The following SNAP23 variants were observed in gnomAD, a reference collection of about 807,000 sequenced individuals.
The protein encoded by SNAP23 is synaptosomal-associated protein 23.
SNAP23 carries 11 observed loss-of-function variants against 29.0 expected under a neutral mutation model. That is an observed-to-expected ratio of 0.38 (90% CI 0.24 to 0.63). The LOEUF (loss-of-function observed/expected upper bound fraction) is 0.63, where lower values mean the gene tolerates loss of function less well. Among genes scored for constraint, SNAP23 ranks in the 20% least tolerant of loss-of-function variants. The probability of loss-of-function intolerance (pLI) is 0.58; values close to 1 mark genes in which losing one functional copy is unlikely to be tolerated. For missense variants in SNAP23, 220 were observed against 253.9 expected (o/e 0.87, Z 0.91); for synonymous variants, 60 against 82.9 (o/e 0.72, Z 1.50).
intron 1 of SNAP23, among the ~76,000 whole-genome samples, chr15:42,509,612 G>C (rs572160652): frequency 6.6e-6 from 1 of 151,690 alleles, no homozygotes; most frequent in African/African-American, 2.4e-5. Flanking sequence ...GCTAATTTTT[G>C]TATTTTTAGT....
intron 5 of SNAP23, among the ~76,000 whole-genome samples, chr15:42,527,420 C>CTT: frequency 6.6e-6 from 1 of 152,130 alleles, no homozygotes; most frequent in East Asian, 2.0e-4. Flanking sequence ...AGGTCTCACT[C>CTT]TGTCACCCAG....
intron 5 of SNAP23, among the ~76,000 whole-genome samples, chr15:42,519,299 C>T (rs1413677414): frequency 6.6e-6 from 1 of 151,768 alleles, no homozygotes; most frequent in Non-Finnish European, 1.5e-5. Flanking sequence ...AGGTGATCCG[C>T]CTGCCTCGGC....
At chr15:42,525,474 TTTTTTTTG>T (rs1313069644) in intron 5 of SNAP23, among the ~76,000 whole-genome samples, 1 of 100,054 alleles carries the variant, frequency 1.0e-5, no homozygotes, top group African/African-American at 3.6e-5. Context: ...TTTTTTTTTT[TTTTTTTTG>T]AGACGGAGTC....
At chr15:42,525,880 T>C (rs1477680803) in intron 5 of SNAP23, among the ~76,000 whole-genome samples, 1 of 152,210 alleles carries the variant, frequency 6.6e-6, no homozygotes, top group African/African-American at 2.4e-5. Context: ...ATTTGCATTT[T>C]ATGCCCTTAT....
At chr15:42,498,140 A>G (rs1346998909) in intron 1 of SNAP23, among the ~76,000 whole-genome samples, 1 of 152,204 alleles carries the variant, frequency 6.6e-6, no homozygotes, top group Non-Finnish European at 1.5e-5. Flanking sequence ...AGCTGTTTGT[A>G]GACCTGCCAT....
upstream of SNAP23, among the ~76,000 whole-genome samples, chr15:42,494,889 A>G (rs1342023367): frequency 6.6e-6 from 1 of 152,132 alleles, no homozygotes. Context: ...TTCCTGCAGC[A>G]AATAGTTTAC....
chr15:42,498,423 G>C (rs2057241618), intron 1 of SNAP23, among the ~76,000 whole-genome samples: 1 of 152,178 alleles, frequency 6.6e-6, no homozygotes, highest in Admixed American at 6.5e-5. Flanking sequence ...AAGCTACCAA[G>C]GTTTGGGGCT....
chr15:42,518,720 G>A (rs920179649), intron 5 of SNAP23, among the ~76,000 whole-genome samples: 11 of 151,526 alleles, frequency 7.3e-5, no homozygotes, highest in African/African-American at 2.4e-4. Flanking sequence ...AGCCCTGCTG[G>A]CCATTCAGAA....
intron 7 of SNAP23, among the ~76,000 whole-genome samples, chr15:42,531,080 G>C (rs2057560298): frequency 6.6e-6 from 1 of 152,162 alleles, no homozygotes; most frequent in Non-Finnish European, 1.5e-5. Context: ...CTTTAACAGA[G>C]AAGAGCACTC....
intron 5 of SNAP23, among the ~76,000 whole-genome samples, chr15:42,520,534 G>A (rs1380531975): frequency 1.3e-5 from 2 of 151,550 alleles, no homozygotes; most frequent in African/African-American, 4.9e-5. Flanking sequence ...TCGCTCTGTT[G>A]CCCAGGCTGG....
At chr15:42,525,753 C>G (rs2057496724) in intron 5 of SNAP23, among the ~76,000 whole-genome samples, 1 of 152,026 alleles carries the variant, frequency 6.6e-6, no homozygotes, top group Non-Finnish European at 1.5e-5. Flanking sequence ...TGAATCACCG[C>G]ACCCGGCCAA....
chr15:42,497,635 G>A (rs994217269), intron 1 of SNAP23, among the ~76,000 whole-genome samples: 5 of 152,018 alleles, frequency 3.3e-5, no homozygotes, highest in African/African-American at 9.7e-5. Flanking sequence ...GAGCCACCAC[G>A]CCCAGATTCC....
At chr15:42,502,839 C>T (rs1247589144) in intron 1 of SNAP23, among the ~76,000 whole-genome samples, 2 of 152,226 alleles carry the variant, frequency 1.3e-5, no homozygotes, top group East Asian at 3.9e-4. Flanking sequence ...CCCAGTATTA[C>T]TCCTGGGTCA....
chr15:42,527,706 A>C (rs1319773574), intron 5 of SNAP23, among the ~76,000 whole-genome samples: 1 of 151,006 alleles, frequency 6.6e-6, no homozygotes, highest in East Asian at 2.0e-4. Context: ...GGCTGATCTT[A>C]AACTCCTGAG....
chr15:42,523,092 C>T (rs1011696657), intron 5 of SNAP23, among the ~76,000 whole-genome samples: 5 of 151,652 alleles, frequency 3.3e-5, no homozygotes, highest in South Asian at 2.1e-4. Context: ...GTAATTCACC[C>T]GCCTTGGCCT....
intron 7 of SNAP23, among the ~76,000 whole-genome samples, chr15:42,531,206 A>G (rs1371318594): frequency 6.6e-6 from 1 of 152,214 alleles, no homozygotes; most frequent in African/African-American, 2.4e-5. Context: ...GCAAGGTCTT[A>G]TATGTTACAC....
At position 42,512,993 on chromosome 15, in the gene SNAP23, T is replaced by G. The variant is rs916726564; in HGVS notation, c.96T>G (p.Ile32Met). The change falls in exon 3 of 8, where the codon ATT becomes ATG. Residue 32 changes from isoleucine (I) to methionine (M), a missense_variant. Ile to Met is a conservative substitution (Grantham distance 10, BLOSUM62 1). Transcript: ENST00000249647. ...CGAGGAGAATCCTGGGTTTAGCCAT[T>G]GAGGTAAGAAAATGTTAGTCATCAA... Reference protein sequence around the residue: ...ESTRRILGLAIESQDAGIKTI... With the variant: ...ESTRRILGLAMESQDAGIKTI... The G allele has an allele frequency of 1.2e-6, 2 of 1,608,818 alleles. No individual in the cohort carries two copies. Among genetic ancestry groups the G allele is most frequent in the Non-Finnish European group, 1.7e-6 (2 of 1,175,214 alleles).
rs774294886 is a variant in SNAP23, at chr15:42,528,257, T to C, written c.267-5T>C. ...TATCTCCCTACACTCCTGACTCTTATATAGAACAAAGAACTTTGAGTCTGG... is the reference window on the plus strand; with the variant it reads ...TATCTCCCTACACTCCTGACTCTTACATAGAACAAAGAACTTTGAGTCTGG... On this transcript the variant is annotated splice_polypyrimidine_tract_variant and splice_region_variant and intron_variant, in intron 5 of 7. Transcript: ENST00000249647. 9.9e-6 allele frequency: 16 copies of C among 1,613,466 alleles called. No homozygotes were observed. The highest frequency in any genetic ancestry group is 3.3e-5 in the South Asian group (3 of 91,062).
intron 1 of SNAP23, among the ~76,000 whole-genome samples, chr15:42,501,497 T>G (rs1043337096): frequency 6.6e-6 from 1 of 152,138 alleles, no homozygotes; most frequent in Non-Finnish European, 1.5e-5. Context: ...ACTGCTGAGC[T>G]CAAGTGATCC....
Sources: gnomAD v4.1 joint callset for allele counts (sites outside exome capture counted in the v4.1 genomes callset) on GRCh38, gnomAD v4.1.1 for gene constraint, MANE v1.5 for transcripts, NCBI Gene and HGNC (gene_info 2026-07-23, HGNC 2026-07-21) for gene names.